The following RIN2 variants were observed in gnomAD, a reference collection of about 807,000 sequenced individuals.
The protein encoded by RIN2 is RAB5 interacting protein 2.
Under a neutral mutation model 78.0 loss-of-function variants are expected in RIN2, and 36 were observed. That is an observed-to-expected ratio of 0.46 (90% confidence interval 0.35 to 0.61). The LOEUF is 0.61. Among genes scored for constraint, RIN2 ranks in the 20% least tolerant of loss-of-function variants. The pLI is 0.00. For synonymous variants in RIN2, 466 were observed against 466.8 expected (o/e 1.00, Z 0.02); for missense variants, 1,087 against 1,159.7 (o/e 0.94, Z 0.91).
intron 2 of RIN2, among the ~76,000 whole-genome samples, chr20:19,802,263 G>C (rs60196913): frequency 6.6e-6 from 1 of 152,080 alleles, no homozygotes; most frequent in Non-Finnish European, 1.5e-5. Context: ...GGAGCAGGCC[G>C]GGTGACTTCA....
chr20:19,808,815 C>A (rs1045953549), intron 2 of RIN2, among the ~76,000 whole-genome samples: 1 of 152,186 alleles, frequency 6.6e-6, no homozygotes, highest in African/African-American at 2.4e-5. Context: ...CTAGTGCCAG[C>A]GACCCTAGGG....
chr20:19,972,075 C>T (rs1405668675), intron 8 of RIN2, among the ~76,000 whole-genome samples: 1 of 152,020 alleles, frequency 6.6e-6, no homozygotes, highest in East Asian at 1.9e-4. Flanking sequence ...GAAGGATTGC[C>T]TTCTGTGTTT....
chr20:19,856,898 A>G (rs1320167983), intron 2 of RIN2, among the ~76,000 whole-genome samples: 1 of 152,186 alleles, frequency 6.6e-6, no homozygotes, highest in Non-Finnish European at 1.5e-5. Context: ...GCCACTTTTT[A>G]TATGGCTTTT....
At chr20:19,828,510 G>A (rs1347313153) in intron 2 of RIN2, among the ~76,000 whole-genome samples, 1 of 152,134 alleles carries the variant, frequency 6.6e-6, no homozygotes, top group Non-Finnish European at 1.5e-5. Flanking sequence ...CAGCAGGAAT[G>A]AATCACTCAC....
intron 3 of RIN2, among the ~76,000 whole-genome samples, chr20:19,890,679 CA>C (rs534202183): frequency 0.011 from 731 of 64,250 alleles, no homozygotes; most frequent in South Asian, 0.023. Context: ...GTTGACTCTA[CA>C]AAAAAAAAAA....
intron 2 of RIN2, among the ~76,000 whole-genome samples, chr20:19,838,688 A>G (rs1008989397): frequency 2.6e-5 from 4 of 152,176 alleles, no homozygotes; most frequent in Non-Finnish European, 5.9e-5. Context: ...CATACTCCCA[A>G]CTGTGGTGAA....
In RIN2 at chr20:19,938,022, A is replaced by G. The variant is rs139008181; in HGVS notation, c.158+2823A>G. ...CTGTCTCCTGTCAGCGTCGTCTGCC[A>G]TGGTCCATCTGCCCTCCTTTTTGGG... On this transcript the variant is annotated intron_variant, in intron 4 of 12. Coordinates refer to ENST00000255006, the MANE Select transcript of RIN2 (RefSeq NM_018993.4). Among the ~76,000 whole-genome samples the G allele has an allele frequency of 2.4e-4, 37 of 152,304 alleles. No homozygotes were observed. In the East Asian group the frequency reaches 4.8e-3, roughly 20 times the overall value.
At chr20:19,839,836 T>C (rs951475583) in intron 2 of RIN2, among the ~76,000 whole-genome samples, 1 of 152,222 alleles carries the variant, frequency 6.6e-6, no homozygotes, top group African/African-American at 2.4e-5. Context: ...TGTACAGTAC[T>C]GACATGTTTA....
chr20:19,962,744 G>A (rs1217840190), intron 6 of RIN2, among the ~76,000 whole-genome samples: 3 of 152,040 alleles, frequency 2.0e-5, no homozygotes, highest in African/African-American at 7.2e-5. Context: ...ATCACTTGAG[G>A]CTAGGGGTTC....
rs546044585 is a variant in RIN2, at chr20:19,878,072, G to A, written c.-36-11494G>A. On this transcript the variant is annotated intron_variant, in intron 2 of 12. Transcript: ENST00000255006. ...TCCATTCTGTTGTGAGCCCTAAGAT[G>A]ATCCTACCTGCCACCCAATAGTCCC... Among the ~76,000 whole-genome samples, 4 of 152,280 alleles carry A rather than the reference G, an allele frequency of 2.6e-5. No individual in the cohort carries two copies. The South Asian group carries it at 6.2e-4, about 24-fold the overall frequency.
At chr20:19,794,085 GAGAAGATCAGGGAA>G (rs1468709212) in intron 1 of RIN2, among the ~76,000 whole-genome samples, 10 of 149,722 alleles carry the variant, frequency 6.7e-5, no homozygotes, top group African/African-American at 2.5e-4. Flanking sequence ...CTTCCTTTAA[GAGAAGATCAGGGAA>G]AATAATATAC....
intron 3 of RIN2, among the ~76,000 whole-genome samples, chr20:19,917,863 CT>C: frequency 6.6e-6 from 1 of 152,342 alleles, no homozygotes; most frequent in East Asian, 1.9e-4. Flanking sequence ...ACATTTAGCA[CT>C]TTTTCCCCTG....
At position 19,996,829 on chromosome 20, in the gene RIN2, T is replaced by C. The variant is rs202238340; in HGVS notation, c.2351T>C (p.Val784Ala). Residue 784 changes from valine (V) to alanine (A), a missense_variant, in exon 12 of 13, where the codon GTG becomes GCG. This residue lies in a region of RIN2 where 160 missense variants were observed against 179.4 expected (regional missense o/e 0.89). Coordinates refer to ENST00000255006, the MANE Select transcript of RIN2 (RefSeq NM_018993.4). ...RRTTNRTIPS[V>A]DDFQNYLRVA... ...ACCACCAACCGGACCATCCCCTCTGTGGACGACTTCCAGGTGTGCAGCTGG... is the reference window on the plus strand; with the variant it reads ...ACCACCAACCGGACCATCCCCTCTGCGGACGACTTCCAGGTGTGCAGCTGG... 1.9e-6 allele frequency: 3 copies of C among 1,594,918 alleles called. No homozygotes were observed. The highest frequency in any genetic ancestry group is 2.6e-6 in the Non-Finnish European group (3 of 1,170,228).
rs2041892562 is a variant in RIN2 at position 19,965,034 on chromosome 20, C to G, written c.536+10C>G. 9 of 1,607,392 alleles carry G rather than the reference C, an allele frequency of 5.6e-6. No individual in the cohort carries two copies. The highest frequency in any genetic ancestry group is 2.2e-5 in the East Asian group (1 of 44,868). ...TCTACTGCATCAGCAGGTAAGGCCT[C>G]TTCCTCTCATATGGTTTCAAGGCCC... On this transcript the variant is annotated intron_variant, in intron 7 of 12. Coordinates refer to ENST00000255006, the MANE Select transcript of RIN2 (RefSeq NM_018993.4).
chr20:19,840,598 A>T (rs1008475981), intron 2 of RIN2, among the ~76,000 whole-genome samples: 6 of 152,166 alleles, frequency 3.9e-5, no homozygotes, highest in African/African-American at 1.4e-4. Flanking sequence ...CCCTTAGCCA[A>T]CCAGAAACCA....
intron 1 of RIN2, among the ~76,000 whole-genome samples, chr20:19,779,241 T>C (rs1034147722): frequency 6.6e-6 from 1 of 152,140 alleles, no homozygotes; most frequent in Non-Finnish European, 1.5e-5. Flanking sequence ...GCCAGTTTTA[T>C]ATAGCAAATG....
chr20:19,837,402 C>T (rs966024565), intron 2 of RIN2, among the ~76,000 whole-genome samples: 1 of 152,182 alleles, frequency 6.6e-6, no homozygotes, highest in African/African-American at 2.4e-5. Flanking sequence ...TTATCTCTTT[C>T]TTAATCTTCA....
chr20:19,787,579 GT>G (rs907346992), intron 1 of RIN2, among the ~76,000 whole-genome samples: 8 of 152,146 alleles, frequency 5.3e-5, no homozygotes, highest in Non-Finnish European at 7.4e-5. Context: ...TACTGGCTGT[GT>G]GACCACAGGC....
At chr20:19,930,646 G>A (rs1169894395) in intron 3 of RIN2, among the ~76,000 whole-genome samples, 5 of 152,112 alleles carry the variant, frequency 3.3e-5, no homozygotes, top group Admixed American at 1.3e-4. Context: ...CCCTCACAAG[G>A]CCTTCTGCTT....
Sources: gnomAD v4.1 joint callset for allele counts (sites outside exome capture counted in the v4.1 genomes callset) on GRCh38, gnomAD v4.1.1 for gene constraint, gnomAD v4.1.1 regional missense constraint, MANE v1.5 for transcripts, NCBI Gene and HGNC (gene_info 2026-07-23, HGNC 2026-07-21) for gene names.